The following NDUFB1 variants were observed in gnomAD, a reference collection of about 807,000 sequenced individuals.
NDUFB1 encodes the protein NADH dehydrogenase [ubiquinone] 1 beta subcomplex subunit 1.
Under a neutral mutation model 6.7 loss-of-function variants are expected in NDUFB1, and 6 were observed. The ratio of observed to expected loss-of-function variants is 0.89; its 90% confidence interval spans 0.49 to 1.76. The LOEUF (loss-of-function observed/expected upper bound fraction) is 1.76. Among genes scored for constraint, NDUFB1 ranks in the 40% most tolerant of loss-of-function variants. The pLI is 0.01. For missense variants in NDUFB1, 56 were observed against 71.0 expected, an observed-to-expected ratio of 0.79 and a Z score of 0.76; for synonymous variants, 17 against 22.9, an observed-to-expected ratio of 0.74 and a Z score of 0.74.
rs76180646 is a variant in NDUFB1 at position 92,120,159 on chromosome 14, C to T, written c.-6+1483G>A. ...GCATACAGATGAATTCAAAATACAC[C>T]TGTGTGCGTTTGGACTAAACTAATA... On this transcript the variant is annotated intron_variant, in intron 1 of 2. Transcript: ENST00000605997. Among the ~76,000 whole-genome samples the T allele has an allele frequency of 6.0e-3, 918 of 152,198 alleles. 13 individuals are homozygous for T. The highest frequency in any genetic ancestry group is 0.021 in the African/African-American group (872 of 41,506).
chr14:92,116,379 G>A, intron 2 of NDUFB1, 150 bp from the exon 3 acceptor site: 1 of 697,872 alleles, frequency 1.4e-6, no homozygotes, highest in Non-Finnish European at 2.3e-6. Flanking sequence ...TGTAGCCCAG[G>A]CTGGAGTGCA....
At chr14:92,121,247 AG>A (rs547558595) in intron 1 of NDUFB1, 75 of 295,834 alleles carry the variant, frequency 2.5e-4, no homozygotes, top group Non-Finnish European at 4.3e-4. Context: ...TTTGGAAGAG[AG>A]CGAGGTTAGC....
Position 92,117,574 on chromosome 14 carries a change from C to T in NDUFB1, c.64G>A (p.Val22Ile). ...TTTCTGTCTAAATAACATCCAATGA[C>T]AAATCCCATAGGGACAAGAACATGA... ...WVHVLVPMGF[V>I]IGCYLDRKSD... The change falls in exon 2 of 3, where the codon GTC becomes ATC. Residue 22 changes from valine (V) to isoleucine (I), a missense_variant. By Grantham distance (29) the Val-to-Ile change is conservative. Transcript: ENST00000605997. 6.2e-7 allele frequency: 1 copy of T among 1,613,962 alleles called. No individual in the cohort carries two copies. Among genetic ancestry groups the T allele is most frequent in the Non-Finnish European group, 8.5e-7 (1 of 1,179,992 alleles).
At chr14:92,119,047 C>T (rs2068735309) in intron 1 of NDUFB1, 1 of 296,482 alleles carries the variant, frequency 3.4e-6, no homozygotes, top group Non-Finnish European at 6.7e-6. Context: ...CTAGGTGGCT[C>T]ATGCCTGTAA....
chr14:92,121,194 A>G (rs34949057), intron 1 of NDUFB1: 80,374 of 208,732 alleles, frequency 0.39, 17,448 homozygotes, highest in East Asian at 0.83. Flanking sequence ...AAGGGTAAGC[A>G]CATCATTTAG....
chr14:92,118,127 T>C (rs1218874330), intron 1 of NDUFB1: 1 of 170,780 alleles, frequency 5.9e-6, no homozygotes, highest in Non-Finnish European at 1.3e-5. Context: ...ATCTAATTGA[T>C]GAAGATTACA....
At chr14:92,119,168 TG>T (rs2068736297) in intron 1 of NDUFB1, among the ~76,000 whole-genome samples, 1 of 151,728 alleles carries the variant, frequency 6.6e-6, no homozygotes, top group Admixed American at 6.6e-5. Flanking sequence ...AAAAATTAGC[TG>T]GGTGTGGTAG....
At chr14:92,116,747 T>A (rs2068720571) in intron 2 of NDUFB1, among the ~76,000 whole-genome samples, 1 of 152,244 alleles carries the variant, frequency 6.6e-6, no homozygotes, top group South Asian at 2.1e-4. Flanking sequence ...AGCTTCATTT[T>A]TCTGGGTTAA....
In NDUFB1 at chr14:92,116,230, C is replaced by T; in HGVS notation, c.141-1G>A. On this transcript the variant is annotated splice_acceptor_variant, in intron 2 of 2. Coordinates refer to ENST00000605997, the MANE Select transcript of NDUFB1 (RefSeq NM_004545.4). LOFTEE classifies it high-confidence loss of function. Reference sequence around the variant, plus strand: ...AACTTCTTCACTGGGTTGCAATTCCCTGTGTGGAAAGCAAAAAAGGAAGAA... The same window carrying T: ...AACTTCTTCACTGGGTTGCAATTCCTTGTGTGGAAAGCAAAAAAGGAAGAA... 6.2e-7 allele frequency: 1 copy of T among 1,611,642 alleles called. No individual in the cohort carries two copies. Among genetic ancestry groups the T allele is most frequent in the South Asian group, 1.1e-5 (1 of 90,924 alleles).
At position 92,118,794 on chromosome 14, in the gene NDUFB1, T is replaced by C. The variant is rs145065040; in HGVS notation, c.-5-1152A>G. The C allele has an allele frequency of 4.7e-3, 813 of 174,768 alleles. 11 individuals are homozygous for C. The highest frequency in any genetic ancestry group is 0.018 in the African/African-American group (755 of 41,480). The allele number at this position is 174,768 out of a possible 1,614,324, so 10.8% of individuals were successfully genotyped here. On this transcript the variant is annotated intron_variant, in intron 1 of 2. Transcript: ENST00000605997. ...TTCGAGACCAGCCTGGCCAACATGG[T>C]GAAACTCCATCTCTACTAAAAATAC...
intron 2 of NDUFB1, 62 bp downstream of exon 2, chr14:92,117,436 C>T: frequency 6.4e-7 from 1 of 1,560,988 alleles, no homozygotes; most frequent in East Asian, 2.2e-5. Flanking sequence ...ATTTTTGGCA[C>T]ATATCAAAAA....
At chr14:92,116,808 C>T (rs2068720827) in intron 2 of NDUFB1, among the ~76,000 whole-genome samples, 1 of 152,184 alleles carries the variant, frequency 6.6e-6, no homozygotes, top group Non-Finnish European at 1.5e-5. Context: ...TATCTCTGCT[C>T]AGTGAGTTCA....
chr14:92,121,346 T>A, intron 1 of NDUFB1: 1 of 501,366 alleles, frequency 2.0e-6, no homozygotes. Context: ...AGGCGTGGGA[T>A]CCGGGCCGGT....
At position 92,117,649 on chromosome 14, in the gene NDUFB1, G is replaced by T. The variant is rs768723733; in HGVS notation, c.-5-7C>A. 13 of 1,573,292 alleles carry T rather than the reference G, an allele frequency of 8.3e-6. No individual in the cohort carries two copies. Among genetic ancestry groups the T allele is most frequent in the Admixed American group, 5.4e-5 (3 of 55,518 alleles). Reference sequence around the variant, plus strand: ...AGTAAGTTCACCATGATAGCTAAAAGAAAAAAAAATTATCAGAAATACAAC... The same window carrying T: ...AGTAAGTTCACCATGATAGCTAAAATAAAAAAAAATTATCAGAAATACAAC... On this transcript the variant is annotated splice_polypyrimidine_tract_variant and splice_region_variant and intron_variant, in intron 1 of 2. Transcript: ENST00000605997.
At chr14:92,120,046 C>T (rs575521392) in intron 1 of NDUFB1, among the ~76,000 whole-genome samples, 1 of 152,082 alleles carries the variant, frequency 6.6e-6, no homozygotes, top group South Asian at 2.1e-4. Flanking sequence ...ATCAGGGATA[C>T]TGAACCTGTA....
chr14:92,121,582 C>T (rs971326657), intron 1 of NDUFB1, 60 bp downstream of exon 1: 1 of 1,608,364 alleles, frequency 6.2e-7, no homozygotes, highest in Non-Finnish European at 8.5e-7. Flanking sequence ...GCCTAGAACC[C>T]TCCCCGCCAC....
chr14:92,117,108 C>A (rs1415445459), intron 2 of NDUFB1, among the ~76,000 whole-genome samples: 1 of 152,246 alleles, frequency 6.6e-6, no homozygotes, highest in African/African-American at 2.4e-5. Context: ...GCTAAGAACA[C>A]AGCACCTAGC....
chr14:92,117,875 G>C (rs1332045767), intron 1 of NDUFB1: 3 of 445,188 alleles, frequency 6.7e-6, no homozygotes, highest in African/African-American at 6.0e-5. Flanking sequence ...GTGCGCGTCT[G>C]TTATCCCAGC....
Position 92,121,683 on chromosome 14 carries a change from A to G in NDUFB1, c.-47T>C. 5.0e-6 allele frequency: 8 copies of G among 1,613,742 alleles called. No individual in the cohort carries two copies. Among genetic ancestry groups the G allele is most frequent in the Non-Finnish European group, 4.2e-6 (5 of 1,179,966 alleles). On this transcript the variant is annotated 5_prime_UTR_variant, in exon 1 of 3. Coordinates refer to ENST00000605997, the MANE Select transcript of NDUFB1 (RefSeq NM_004545.4). ...TACAGCGACCCCGAGACCAAGGGCA[A>G]CAGGGAACTCAACCCGCGCCAGTGG...
Sources: allele counts gnomAD v4.1 joint callset (sites outside exome capture counted in the v4.1 genomes callset), GRCh38; gene constraint gnomAD v4.1.1; transcripts MANE v1.5; gene names NCBI Gene and HGNC (gene_info 2026-07-23, HGNC 2026-07-21).